Variants in GCNT2 observed in about 807,000 individuals in gnomAD.
GCNT2 encodes the protein glucosaminyl (N-acetyl) transferase 2 (I blood group).
A neutral mutation model predicts 34.2 loss-of-function variants in GCNT2; 34 were observed. That is an observed-to-expected ratio of 1.00 (90% CI 0.76 to 1.32). The LOEUF is 1.32. Ranked by LOEUF, GCNT2 falls within the 40% of genes most tolerant of loss-of-function variation. The pLI is 0.00. For missense variants in GCNT2, 584 were observed against 489.4 expected (o/e 1.19, Z -1.82); for synonymous variants, 212 against 188.0 (o/e 1.13, Z -1.04).
At chr6:10,555,029 C>T (rs866555745) in intron 3 of GCNT2, among the ~76,000 whole-genome samples, 2 of 152,110 alleles carry the variant, frequency 1.3e-5, no homozygotes, top group Non-Finnish European at 1.5e-5. Context: ...GCAAGGAATC[C>T]GCGTGTTGTC....
At chr6:10,606,594 T>C (rs1039981795) in intron 3 of GCNT2, among the ~76,000 whole-genome samples, 2 of 152,178 alleles carry the variant, frequency 1.3e-5, no homozygotes, top group East Asian at 3.9e-4. Context: ...TTTGAGAATG[T>C]ACCTTTAACT....
At chr6:10,563,700 C>T (rs1404494405) in intron 3 of GCNT2, among the ~76,000 whole-genome samples, 1 of 143,430 alleles carries the variant, frequency 7.0e-6, no homozygotes, top group Non-Finnish European at 1.5e-5. Context: ...CGAGATTGTA[C>T]CACTATGTTC....
intron 3 of GCNT2, among the ~76,000 whole-genome samples, chr6:10,589,822 G>GA (rs1165847363): frequency 1.3e-5 from 2 of 152,052 alleles, no homozygotes; most frequent in Admixed American, 1.3e-4. Flanking sequence ...CTCAGAAAAG[G>GA]AAAAATGGTC....
At chr6:10,609,272 C>T (rs776652810) in intron 3 of GCNT2, among the ~76,000 whole-genome samples, 2 of 152,122 alleles carry the variant, frequency 1.3e-5, no homozygotes, top group Non-Finnish European at 2.9e-5. Flanking sequence ...CTGGTGAAGG[C>T]GTTCATGCTG....
intron 3 of GCNT2, chr6:10,557,138 C>G (rs1222358181): frequency 1.3e-6 from 2 of 1,552,038 alleles, no homozygotes; most frequent in African/African-American, 2.8e-5. Flanking sequence ...GGGCAAAGAG[C>G]TTTCCTATGT....
At chr6:10,568,681 G>A (rs1176846930) in intron 3 of GCNT2, among the ~76,000 whole-genome samples, 1 of 152,130 alleles carries the variant, frequency 6.6e-6, no homozygotes, top group Non-Finnish European at 1.5e-5. Context: ...AAATCTCCCT[G>A]TTGGAGATCC....
chr6:10,571,497 C>T (rs1282772986), intron 3 of GCNT2, among the ~76,000 whole-genome samples: 1 of 152,002 alleles, frequency 6.6e-6, no homozygotes, highest in African/African-American at 2.4e-5. Context: ...GGATTACAGG[C>T]GCCTACCAAT....
At chr6:10,524,937 G>A (rs1761116424) in intron 1 of GCNT2, among the ~76,000 whole-genome samples, 1 of 151,886 alleles carries the variant, frequency 6.6e-6, no homozygotes, top group Non-Finnish European at 1.5e-5. Flanking sequence ...CTCTGAGACT[G>A]CATCAGGCTT....
At chr6:10,534,040 C>T (rs1761637352) in intron 3 of GCNT2, among the ~76,000 whole-genome samples, 1 of 151,186 alleles carries the variant, frequency 6.6e-6, no homozygotes, top group South Asian at 2.1e-4. Flanking sequence ...ATTTGAAATT[C>T]TTGCCTGTGC....
At chr6:10,526,284 C>T (rs963169952) in intron 1 of GCNT2, among the ~76,000 whole-genome samples, 1 of 152,152 alleles carries the variant, frequency 6.6e-6, no homozygotes, top group Non-Finnish European at 1.5e-5. Context: ...GCTGTAGAAT[C>T]TGATTCCAGA....
intron 3 of GCNT2, among the ~76,000 whole-genome samples, chr6:10,542,063 A>G (rs1486246265): frequency 1.3e-5 from 2 of 152,166 alleles, no homozygotes; most frequent in African/African-American, 2.4e-5. Flanking sequence ...CTAGTATGAA[A>G]CCAATTGTGT....
chr6:10,585,342 G>A (rs2127411961), intron 3 of GCNT2, among the ~76,000 whole-genome samples: 1 of 152,076 alleles, frequency 6.6e-6, no homozygotes, highest in Admixed American at 6.5e-5. Context: ...ACCATGCCTG[G>A]CACACATTCA....
At chr6:10,593,021 G>A (rs937407872) in intron 3 of GCNT2, among the ~76,000 whole-genome samples, 4 of 152,182 alleles carry the variant, frequency 2.6e-5, no homozygotes, top group Non-Finnish European at 4.4e-5. Flanking sequence ...GATTACAGGC[G>A]TGAGCCACCA....
At chr6:10,602,018 C>A (rs1361351584) in intron 3 of GCNT2, among the ~76,000 whole-genome samples, 1 of 151,896 alleles carries the variant, frequency 6.6e-6, no homozygotes, top group Non-Finnish European at 1.5e-5. Context: ...ACTGCCACTG[C>A]AGTCCCTAAA....
chr6:10,533,036 G>A (rs984410014), intron 3 of GCNT2, among the ~76,000 whole-genome samples: 29 of 151,354 alleles, frequency 1.9e-4, no homozygotes, highest in African/African-American at 7.0e-4. Context: ...GCCAGGTGTG[G>A]TGGCTCACGC....
chr6:10,534,139 C>CCTTTT (rs1761643054), intron 3 of GCNT2, among the ~76,000 whole-genome samples: 2 of 123,152 alleles, frequency 1.6e-5, no homozygotes, highest in African/African-American at 2.9e-5. Flanking sequence ...TTCCATGCTG[C>CCTTTT]TCTTTTTTTT....
intron 3 of GCNT2, among the ~76,000 whole-genome samples, chr6:10,542,397 C>T (rs565960533): frequency 4.0e-4 from 58 of 143,944 alleles, no homozygotes; most frequent in Non-Finnish European, 7.0e-4. Flanking sequence ...ATTTACATAC[C>T]ATAAAACTCA....
chr6:10,560,462 T>G (rs1269279642), intron 3 of GCNT2, among the ~76,000 whole-genome samples: 1 of 152,196 alleles, frequency 6.6e-6, no homozygotes, highest in African/African-American at 2.4e-5. Context: ...AACATCTTTT[T>G]GCAAACGTGC....
chr6:10,585,983 G>C (rs1764324617), intron 3 of GCNT2: 1 of 1,613,590 alleles, frequency 6.2e-7, no homozygotes, highest in African/African-American at 1.3e-5. Context: ...CCAGGGAAGT[G>C]AAAATAATGA....
Sources: allele counts gnomAD v4.1 joint callset (sites outside exome capture counted in the v4.1 genomes callset), GRCh38; gene constraint gnomAD v4.1.1; transcripts MANE v1.5; gene names NCBI Gene and HGNC (gene_info 2026-07-23, HGNC 2026-07-21).